SNX13: variants seen among roughly 807,000 people sequenced by gnomAD.
The protein encoded by SNX13 is sorting nexin-13.
A neutral mutation model predicts 133.6 loss-of-function variants in SNX13; 45 were observed. That is an observed-to-expected ratio of 0.34 (90% CI 0.27 to 0.43). The LOEUF is 0.43. Among genes scored for constraint, SNX13 ranks in the 20% least tolerant of loss-of-function variants. The probability of loss-of-function intolerance (pLI) is 1.00; values close to 1 mark genes in which losing one functional copy is unlikely to be tolerated. For synonymous variants in SNX13, 414 were observed against 373.9 expected, an observed-to-expected ratio of 1.11 and a Z score of -1.24; for missense variants, 1,032 against 1,145.1, an observed-to-expected ratio of 0.90 and a Z score of 1.43.
intron 9 of SNX13, among the ~76,000 whole-genome samples, chr7:17,863,405 G>T (rs1003652252): frequency 6.6e-6 from 1 of 152,120 alleles, no homozygotes; most frequent in Non-Finnish European, 1.5e-5. Context: ...TGTAACTCCA[G>T]CAAAGACTCC....
chr7:17,804,080 T>C (rs1285613548), intron 20 of SNX13, among the ~76,000 whole-genome samples: 3 of 151,926 alleles, frequency 2.0e-5, no homozygotes, highest in Non-Finnish European at 4.4e-5. Flanking sequence ...ACAAAAGTAT[T>C]TTCACATACA....
At chr7:17,796,972 A>G in intron 24 of SNX13, 33 bp from the exon 25 acceptor site, 4 of 1,409,172 alleles carry the variant, frequency 2.8e-6, no homozygotes, top group Non-Finnish European at 1.0e-6. Flanking sequence ...TTTTGTAAAC[A>G]TTTTCATTTT....
rs186935101 is a variant in SNX13 at position 17,908,091 on chromosome 7, C to G, written c.13-10645G>C. ...ATTCATTCAAGATCCCAAATGTTTC[C>G]TATATTCCTTTACTTTTTTAAAAGG... On this transcript the variant is annotated intron_variant, in intron 1 of 25. Coordinates refer to ENST00000428135, the MANE Select transcript of SNX13 (RefSeq NM_015132.5). Among the ~76,000 whole-genome samples, 7 of 152,238 alleles carry G rather than the reference C, an allele frequency of 4.6e-5. No individual in the cohort carries two copies. The East Asian group carries it at 1.3e-3, about 29-fold the overall frequency.
intron 1 of SNX13, among the ~76,000 whole-genome samples, chr7:17,902,386 T>G (rs1319274584): frequency 6.6e-6 from 1 of 152,116 alleles, no homozygotes; most frequent in Non-Finnish European, 1.5e-5. Context: ...AGTTAATCTA[T>G]TACAACAGTT....
chr7:17,898,772 G>C (rs965421051), intron 1 of SNX13: 1 of 152,140 alleles, frequency 6.6e-6, no homozygotes, highest in Non-Finnish European at 1.5e-5. Context: ...TATTTAGGGA[G>C]ACATATAATA....
Position 17,890,499 on chromosome 7 carries a change from T to A in SNX13, c.319-15A>T. On this transcript the variant is annotated splice_polypyrimidine_tract_variant and intron_variant, in intron 4 of 25. Coordinates refer to ENST00000428135, the MANE Select transcript of SNX13 (RefSeq NM_015132.5). Reference sequence around the variant, plus strand: ...AACTGGATAACCTATAACAAAAATATTGGAAAAAAAATTACAACATTTTAG... The same window carrying A: ...AACTGGATAACCTATAACAAAAATAATGGAAAAAAAATTACAACATTTTAG... 1 of 1,535,362 alleles carries A rather than the reference T, an allele frequency of 6.5e-7. No homozygotes were observed. The highest frequency in any genetic ancestry group is 8.8e-7 in the Non-Finnish European group (1 of 1,140,312).
At position 17,873,690 on chromosome 7, in the gene SNX13, C is replaced by T. The variant is rs961757457; in HGVS notation, c.665-74G>A. 3.3e-6 allele frequency: 3 copies of T among 896,402 alleles called. No homozygotes were observed. In the East Asian group the frequency reaches 9.0e-5, roughly 27 times the overall value. The allele number at this position is 896,402 out of a possible 1,614,324, so 55.5% of individuals were successfully genotyped here. On this transcript the variant is annotated intron_variant, in intron 7 of 25. Transcript: ENST00000428135. ...ACACTTCCTCTTGATATATAAGATA[C>T]ATTTAAAAAGGCAGAAATAACCAGT...
intron 5 of SNX13, among the ~76,000 whole-genome samples, chr7:17,876,894 C>T (rs1287041151): frequency 6.6e-6 from 1 of 151,324 alleles, no homozygotes; most frequent in Non-Finnish European, 1.5e-5. Flanking sequence ...CACCCAGGAA[C>T]ATACCAAGTA....
chr7:17,912,884 A>C lies in SNX13; in HGVS notation c.13-15438T>G, dbSNP rs955675786. Among the ~76,000 whole-genome samples, 5 of 152,192 alleles carry C rather than the reference A, an allele frequency of 3.3e-5. No individual in the cohort carries two copies. In the East Asian group the frequency reaches 9.6e-4, roughly 29 times the overall value. On this transcript the variant is annotated intron_variant, in intron 1 of 25. Transcript: ENST00000428135. ...GAGTGGCGAGTGTGGAAAGCACCCA[A>C]GCAGCAAGCACTGAAATTAGACTTT...
Position 17,794,010 on chromosome 7 carries a change from G to A in SNX13, c.*35C>T, listed in dbSNP as rs376757190. On this transcript the variant is annotated 3_prime_UTR_variant, in exon 26 of 26. Transcript: ENST00000428135. Reference sequence around the variant, plus strand: ...AAGATCTGTCCATACCATTAGTCCTGGACAAAATGAACACCAGCTTCATAG... The same window carrying A: ...AAGATCTGTCCATACCATTAGTCCTAGACAAAATGAACACCAGCTTCATAG... The A allele has an allele frequency of 8.7e-6, 14 of 1,603,720 alleles. No individual in the cohort carries two copies. The highest frequency in any genetic ancestry group is 1.2e-5 in the Non-Finnish European group (14 of 1,174,442).
At chr7:17,878,238 A>AAT (rs1166600477) in intron 5 of SNX13, among the ~76,000 whole-genome samples, 2 of 152,146 alleles carry the variant, frequency 1.3e-5, no homozygotes, top group Non-Finnish European at 2.9e-5. Context: ...AATTCTTAGT[A>AAT]AAACAACCGG....
intron 1 of SNX13, among the ~76,000 whole-genome samples, chr7:17,902,500 TA>T (rs1411777834): frequency 1.3e-5 from 2 of 152,292 alleles, no homozygotes; most frequent in South Asian, 2.1e-4. Context: ...TGGCTGACAT[TA>T]TAATCTTATT....
intron 12 of SNX13, 22 bp from the exon 13 acceptor site, chr7:17,840,022 T>C (rs1200673559): frequency 6.3e-7 from 1 of 1,595,216 alleles, no homozygotes; most frequent in East Asian, 2.3e-5. Flanking sequence ...AAATCCATAA[T>C]AACATAAATA....
intron 1 of SNX13, among the ~76,000 whole-genome samples, chr7:17,901,462 G>A (rs754598197): frequency 6.6e-6 from 1 of 152,130 alleles, no homozygotes; most frequent in Non-Finnish European, 1.5e-5. Flanking sequence ...CAGTGGCAAG[G>A]GTTGCTGGAC....
intron 8 of SNX13, among the ~76,000 whole-genome samples, chr7:17,869,560 G>A (rs535457210): frequency 1.3e-5 from 2 of 152,154 alleles, no homozygotes; most frequent in Admixed American, 6.5e-5. Context: ...AAGGATCACA[G>A]AAGGTGGTCT....
chr7:17,812,868 C>A (rs1019345840), intron 20 of SNX13, among the ~76,000 whole-genome samples: 2 of 152,062 alleles, frequency 1.3e-5, no homozygotes, highest in African/African-American at 4.8e-5. Context: ...AGCTGGAAAC[C>A]ATCATTCTCA....
intron 21 of SNX13, 58 bp downstream of exon 21, chr7:17,803,361 T>C (rs1784844930): frequency 6.8e-7 from 1 of 1,476,934 alleles, no homozygotes; most frequent in African/African-American, 1.4e-5. Context: ...CAGAATTCAA[T>C]ACATCTTATT....
At chr7:17,816,133 T>C (rs1562689407) in intron 19 of SNX13, 49 bp downstream of exon 19, 4 of 1,482,428 alleles carry the variant, frequency 2.7e-6, no homozygotes, top group Non-Finnish European at 3.6e-6. Flanking sequence ...TCTACACCTG[T>C]GTGCTATATT....
chr7:17,829,997 T>C lies in SNX13; in HGVS notation c.1635+13A>G. 6.6e-7 allele frequency: 1 copy of C among 1,520,984 alleles called. No homozygotes were observed. The highest frequency in any genetic ancestry group is 8.9e-7 in the Non-Finnish European group (1 of 1,124,752). 94.2% of individuals were successfully genotyped at this position (1,520,984 alleles called of 1,614,324 possible). A position where few individuals can be genotyped will look rare whatever the true frequency, so the allele number is the denominator to read the frequency against. On this transcript the variant is annotated intron_variant, in intron 16 of 25. Coordinates refer to ENST00000428135, the MANE Select transcript of SNX13 (RefSeq NM_015132.5). ...TCAAGTCACTTTAATAAAGTACCCA[T>C]AATAGTACTTACCAAATTTATGCTT...
Sources: allele counts gnomAD v4.1 joint callset (sites outside exome capture counted in the v4.1 genomes callset), GRCh38; gene constraint gnomAD v4.1.1; transcripts MANE v1.5; gene names NCBI Gene and HGNC (gene_info 2026-07-23, HGNC 2026-07-21).